Variants in EYS observed in about 807,000 individuals in gnomAD.
The protein encoded by EYS is protein eyes shut homolog.
EYS carries 250 observed loss-of-function variants against 282.1 expected under a neutral mutation model. The observed-to-expected ratio is 0.89, with a 90% CI of 0.80 to 0.98. EYS has a LOEUF of 0.98. Among genes scored for constraint, EYS ranks in the 50% least tolerant of loss-of-function variants. The pLI, the probability that EYS is intolerant of heterozygous loss-of-function variation, is 0.00. For synonymous variants in EYS, 1,355 were observed against 1,282.9 expected (o/e 1.06, Z -1.20); for missense variants, 4,016 against 3,709.0 (o/e 1.08, Z -2.15).
chr6:64,930,014 G>GT (rs766815389), intron 15 of EYS, among the ~76,000 whole-genome samples: 1 of 152,088 alleles, frequency 6.6e-6, no homozygotes, highest in Non-Finnish European at 1.5e-5. Flanking sequence ...GATACAAACT[G>GT]TAAGTGTCTG....
At chr6:64,942,661 G>C (rs1201181286) in intron 15 of EYS, among the ~76,000 whole-genome samples, 1 of 151,434 alleles carries the variant, frequency 6.6e-6, no homozygotes, top group Non-Finnish European at 1.5e-5. Context: ...TCTCAAGATT[G>C]AATGAGAAAA....
intron 26 of EYS, among the ~76,000 whole-genome samples, chr6:64,542,302 C>T (rs1734580435): frequency 6.6e-6 from 1 of 151,994 alleles, no homozygotes; most frequent in African/African-American, 2.4e-5. Context: ...ACAAAATGTA[C>T]CTGAGAACTG....
At chr6:64,031,487 C>T (rs551556354) in intron 33 of EYS, among the ~76,000 whole-genome samples, 6 of 152,244 alleles carry the variant, frequency 3.9e-5, no homozygotes, top group Non-Finnish European at 8.8e-5. Context: ...TCCCATCGAC[C>T]ACCCAAGGGC....
intron 12 of EYS, among the ~76,000 whole-genome samples, chr6:65,113,577 T>C (rs1775282247): frequency 6.6e-6 from 1 of 152,162 alleles, no homozygotes; most frequent in South Asian, 2.1e-4. Context: ...TACAGAATTT[T>C]AATTTTTGAA....
chr6:64,739,153 A>G (rs73765307), intron 22 of EYS, among the ~76,000 whole-genome samples: 10,737 of 152,234 alleles, frequency 0.071, 1,266 homozygotes, highest in African/African-American at 0.24. Flanking sequence ...ACTCTTTTTC[A>G]TCATACAAGG....
Position 64,258,471 on chromosome 6 carries a change from A to G in EYS, c.6192-27647T>C, listed in dbSNP as rs566015479. On this transcript the variant is annotated intron_variant, in intron 30 of 42. Coordinates refer to ENST00000503581, the MANE Select transcript of EYS (RefSeq NM_001142800.2). Reference sequence around the variant, plus strand: ...ACTTTGTGCTATAGCATGTTAGCTCAGAGGATAAAGTGGGTAAATGACAAC... The same window carrying G: ...ACTTTGTGCTATAGCATGTTAGCTCGGAGGATAAAGTGGGTAAATGACAAC... Among the ~76,000 whole-genome samples, 12 of 152,162 alleles carry G rather than the reference A, an allele frequency of 7.9e-5. No individual in the cohort carries two copies. The South Asian group carries it at 2.5e-3, about 32-fold the overall frequency.
intron 5 of EYS, among the ~76,000 whole-genome samples, chr6:65,478,737 A>G (rs1765495774): frequency 6.6e-6 from 1 of 152,130 alleles, no homozygotes; most frequent in Admixed American, 6.6e-5. Context: ...CCTGTTTAGA[A>G]TCACTGAAGA....
intron 19 of EYS, among the ~76,000 whole-genome samples, chr6:64,846,609 C>A (rs1270253707): frequency 1.3e-5 from 2 of 151,952 alleles, no homozygotes; most frequent in Admixed American, 6.6e-5. Flanking sequence ...ACATACAAAG[C>A]CATTTCTTAG....
At chr6:63,908,012 GTATATATATATATATA>G (rs57451331) in intron 35 of EYS, among the ~76,000 whole-genome samples, 5 of 131,174 alleles carry the variant, frequency 3.8e-5, no homozygotes, top group African/African-American at 1.4e-4. Flanking sequence ...ACACACAAAC[GTATATATATATATATA>G]TATACGTTTG....
chr6:65,622,941 A>G (rs1400982319), intron 2 of EYS, among the ~76,000 whole-genome samples: 1 of 152,068 alleles, frequency 6.6e-6, no homozygotes, highest in Non-Finnish European at 1.5e-5. Context: ...AATTATTCGT[A>G]CAGCTGAGAT....
intron 11 of EYS, chr6:65,331,386 T>A (rs768172736): frequency 1.0e-4 from 81 of 779,636 alleles, no homozygotes; most frequent in Admixed American, 1.3e-4. Context: ...TTTTTTTAAT[T>A]CTAAACATTT....
rs191872644 is a variant in EYS at position 65,179,132 on chromosome 6, T to G, written c.2023+116731A>C. Reference sequence around the variant, plus strand: ...CAGGAAAGATCTAAAATTGACACCCTAACATCACAACTAAAAGAACTAGAG... The same window carrying G: ...CAGGAAAGATCTAAAATTGACACCCGAACATCACAACTAAAAGAACTAGAG... On this transcript the variant is annotated intron_variant, in intron 12 of 42. Transcript: ENST00000503581. Among the ~76,000 whole-genome samples, 9 of 152,016 alleles carry G rather than the reference T, an allele frequency of 5.9e-5. No homozygotes were observed. The East Asian group carries it at 1.8e-3, about 30-fold the overall frequency.
intron 5 of EYS, among the ~76,000 whole-genome samples, chr6:65,441,034 T>C (rs965914935): frequency 7.4e-5 from 11 of 149,126 alleles, no homozygotes; most frequent in African/African-American, 2.2e-4. Flanking sequence ...AGGAACTAAA[T>C]ATATGCTTCA....
chr6:65,119,169 A>G (rs1190606930), intron 12 of EYS, among the ~76,000 whole-genome samples: 1 of 152,212 alleles, frequency 6.6e-6, no homozygotes, highest in East Asian at 1.9e-4. Flanking sequence ...ATACACTTAA[A>G]GCTTCTAGTT....
intron 16 of EYS, among the ~76,000 whole-genome samples, chr6:64,911,989 T>A (rs1434073668): frequency 6.6e-6 from 1 of 152,146 alleles, no homozygotes; most frequent in Non-Finnish European, 1.5e-5. Flanking sequence ...CATTCTTTCT[T>A]GCATAGGATT....
chr6:65,275,620 C>G (rs919606163), intron 12 of EYS, among the ~76,000 whole-genome samples: 11 of 152,212 alleles, frequency 7.2e-5, no homozygotes, highest in African/African-American at 2.4e-4. Flanking sequence ...GAAGAAATGG[C>G]CAAAAGGGCA....
intron 22 of EYS, among the ~76,000 whole-genome samples, chr6:64,703,504 C>A (rs2149926630): frequency 7.1e-6 from 1 of 140,570 alleles, no homozygotes; most frequent in African/African-American, 2.6e-5. Context: ...GCGATCTCAG[C>A]TCACTGAAAT....
rs1772826266 is a variant in EYS at position 64,753,357 on chromosome 6, GCTGCT to G, written c.3443+60016_3443+60020del. Among the ~76,000 whole-genome samples, 4 of 151,884 alleles carry G rather than the reference GCTGCT, an allele frequency of 2.6e-5. No homozygotes were observed. In the South Asian group the frequency reaches 8.3e-4, roughly 32 times the overall value. On this transcript the variant is annotated intron_variant, in intron 22 of 42. Coordinates refer to ENST00000503581, the MANE Select transcript of EYS (RefSeq NM_001142800.2). ...AAACAAAAACAGGGTTCAGCCAAAT[GCTGCT>G]TTCAAGAAACACACTTAGCTGATAA...
chr6:64,089,545 C>CT (rs71551561), intron 31 of EYS, among the ~76,000 whole-genome samples: 37,933 of 149,976 alleles, frequency 0.25, 5,013 homozygotes, highest in East Asian at 0.42. Context: ...TTATACTAAA[C>CT]TTTTTTACCA....
Sources: gnomAD v4.1 joint callset for allele counts (sites outside exome capture counted in the v4.1 genomes callset) on GRCh38, gnomAD v4.1.1 for gene constraint, MANE v1.5 for transcripts, NCBI Gene and HGNC (gene_info 2026-07-23, HGNC 2026-07-21) for gene names.